The following SLC71A2 variants were observed in gnomAD, a reference collection of about 807,000 sequenced individuals.
SLC71A2 encodes solute carrier family 71 member 2.
chr9:94,408,818 G>GTTTTT, the SLC71A2 span, among the ~76,000 whole-genome samples: 1 of 86,634 alleles, frequency 1.2e-5, no homozygotes, highest in African/African-American at 6.0e-5. Context: ...TCCTTTTTCT[G>GTTTTT]TTTTTTTTGT....
At chr9:94,419,440 C>G in the SLC71A2 span, among the ~76,000 whole-genome samples, 1 of 151,820 alleles carries the variant, frequency 6.6e-6, no homozygotes, top group Non-Finnish European at 1.5e-5. Context: ...ATTATAGGTG[C>G]CCGCCACCAT....
chr9:94,379,525 G>A, the SLC71A2 span, among the ~76,000 whole-genome samples: 2 of 148,988 alleles, frequency 1.3e-5, no homozygotes, highest in Non-Finnish European at 3.0e-5. Context: ...TAGTAGCAAG[G>A]ACTATAGGCA....
the SLC71A2 span, among the ~76,000 whole-genome samples, chr9:94,411,456 T>G: frequency 1.3e-5 from 2 of 151,956 alleles, no homozygotes; most frequent in South Asian, 2.1e-4. Context: ...TCAGTTTGAT[T>G]ATTCCCTTGT....
chr9:94,389,237 C>G, the SLC71A2 span, among the ~76,000 whole-genome samples: 1 of 150,458 alleles, frequency 6.6e-6, no homozygotes, highest in Non-Finnish European at 1.5e-5. Flanking sequence ...GATCAGACAT[C>G]TCAATTTATG....
chr9:94,460,998 T>A, the SLC71A2 span: 1 of 152,096 alleles, frequency 6.6e-6, no homozygotes, highest in African/African-American at 2.4e-5. Context: ...TTAAACTGAG[T>A]TGTAATCTTT....
At chr9:94,454,303 T>A in the SLC71A2 span, among the ~76,000 whole-genome samples, 1 of 152,214 alleles carries the variant, frequency 6.6e-6, no homozygotes. Context: ...CTTAATTGAA[T>A]GTATCTCTCT....
the SLC71A2 span, among the ~76,000 whole-genome samples, chr9:94,439,166 C>T: frequency 1.2e-3 from 189 of 151,898 alleles, 1 homozygote; most frequent in East Asian, 0.022. Context: ...GGACTACAGA[C>T]GCCCGGCTAA....
At chr9:94,400,979 G>A in the SLC71A2 span, among the ~76,000 whole-genome samples, 1 of 151,962 alleles carries the variant, frequency 6.6e-6, no homozygotes, top group South Asian at 2.1e-4. Flanking sequence ...TTTCAGACTT[G>A]CTTCTTTCAT....
chr9:94,399,142 C>CTT, the SLC71A2 span, among the ~76,000 whole-genome samples: 3 of 152,158 alleles, frequency 2.0e-5, no homozygotes, highest in Non-Finnish European at 4.4e-5. Context: ...TAACATTTAA[C>CTT]TTAACTACTC....
At chr9:94,416,122 C>T in the SLC71A2 span, among the ~76,000 whole-genome samples, 590 of 152,148 alleles carry the variant, frequency 3.9e-3, 16 homozygotes, top group Non-Finnish European at 5.0e-3. Flanking sequence ...GAAAAGATGA[C>T]GGGGGCAGAT....
the SLC71A2 span, among the ~76,000 whole-genome samples, chr9:94,403,028 C>T: frequency 1.3e-5 from 2 of 152,152 alleles, no homozygotes; most frequent in African/African-American, 4.8e-5. Context: ...GCAATAACTC[C>T]CTAGCTCCTG....
the SLC71A2 span, among the ~76,000 whole-genome samples, chr9:94,410,756 A>G: frequency 1.3e-5 from 2 of 152,138 alleles, no homozygotes; most frequent in African/African-American, 2.4e-5. Context: ...AAATCAAATT[A>G]GCAAAAATTT....
chr9:94,400,792 C>T, the SLC71A2 span, among the ~76,000 whole-genome samples: 11 of 152,234 alleles, frequency 7.2e-5, no homozygotes, highest in African/African-American at 2.2e-4. Context: ...TTGAAAAATG[C>T]GTGGTGCCGT....
At chr9:94,452,721 A>T in the SLC71A2 span, among the ~76,000 whole-genome samples, 11 of 99,060 alleles carry the variant, frequency 1.1e-4, no homozygotes, top group Non-Finnish European at 2.2e-4. Context: ...ATTCATATAT[A>T]TATAATAGAT....
At chr9:94,454,650 C>T in the SLC71A2 span, among the ~76,000 whole-genome samples, 1 of 152,108 alleles carries the variant, frequency 6.6e-6, no homozygotes, top group Admixed American at 6.5e-5. Context: ...AGGCGTGAGC[C>T]ACCGCACCTG....
chr9:94,447,316 A>T, the SLC71A2 span, among the ~76,000 whole-genome samples: 1 of 151,764 alleles, frequency 6.6e-6, no homozygotes, highest in South Asian at 2.1e-4. Context: ...AGTAGCTGGG[A>T]TTACAGGCGT....
the SLC71A2 span, among the ~76,000 whole-genome samples, chr9:94,418,932 G>C: frequency 2.0e-5 from 3 of 151,862 alleles, no homozygotes; most frequent in South Asian, 4.2e-4. Flanking sequence ...TTAGTTCTTT[G>C]AACATATTTA....
At chr9:94,401,912 TA>T in the SLC71A2 span, among the ~76,000 whole-genome samples, 1 of 152,232 alleles carries the variant, frequency 6.6e-6, no homozygotes. Context: ...GTTTCTTGAT[TA>T]TATGCTAAAC....
At chr9:94,406,879 T>G in the SLC71A2 span, among the ~76,000 whole-genome samples, 1 of 152,196 alleles carries the variant, frequency 6.6e-6, no homozygotes, top group Non-Finnish European at 1.5e-5. Context: ...ATTTCCAGTT[T>G]GGATGCCATT....
Sources: allele counts gnomAD v4.1 joint callset (sites outside exome capture counted in the v4.1 genomes callset), GRCh38; gene constraint gnomAD v4.1.1; transcripts MANE v1.5; gene names NCBI Gene and HGNC (gene_info 2026-07-23, HGNC 2026-07-21).